Variants in PPM1E observed in about 807,000 individuals in gnomAD.
The protein encoded by PPM1E is protein phosphatase 1E.
PPM1E carries 20 observed loss-of-function variants against 65.9 expected under a neutral mutation model. The observed-to-expected ratio is 0.30, with a 90% CI of 0.21 to 0.44. The LOEUF (loss-of-function observed/expected upper bound fraction) is 0.44, where lower values mean the gene tolerates loss of function less well. Among genes scored for constraint, PPM1E ranks in the 20% least tolerant of loss-of-function variants. The probability of loss-of-function intolerance (pLI) is 1.00; values close to 1 mark genes in which losing one functional copy is unlikely to be tolerated. For missense variants in PPM1E, 713 were observed against 953.1 expected, an observed-to-expected ratio of 0.75 and a Z score of 3.32; for synonymous variants, 352 against 374.9, an observed-to-expected ratio of 0.94 and a Z score of 0.70.
rs569508441 is a variant in PPM1E at position 58,932,932 on chromosome 17, T to C, written c.465-22717T>C. Among the ~76,000 whole-genome samples, 249 of 152,332 alleles carry C rather than the reference T, an allele frequency of 1.6e-3. 4 individuals carry two copies. The South Asian group carries it at 0.018, about 11-fold the overall frequency. ...GCTCTATATAGATGTACCGTTTTTA[T>C]GTTATACCATATTTTTACTGTACTT... On this transcript the variant is annotated intron_variant, in intron 1 of 6. Transcript: ENST00000308249.
At chr17:58,768,160 C>T (rs772570989) in intron 1 of PPM1E, among the ~76,000 whole-genome samples, 49 of 152,082 alleles carry the variant, frequency 3.2e-4, no homozygotes, top group Non-Finnish European at 6.6e-4. Context: ...CCATGTTGGC[C>T]AGGCTGGTCT....
Position 58,894,094 on chromosome 17 carries a change from C to A in PPM1E, c.465-61555C>A, listed in dbSNP as rs9914961. 9.3e-4 allele frequency among the ~76,000 whole-genome samples: 141 copies of A among 151,884 alleles called. 1 individual carries two copies. The highest frequency in any genetic ancestry group is 3.3e-3 in the African/African-American group (138 of 41,402). On this transcript the variant is annotated intron_variant, in intron 1 of 6. Transcript: ENST00000308249. ...TCTCAAAAAAAACAAACCAGAAAAA[C>A]CACCAAAAAACAAAAATAAAGTCTA...
At chr17:58,821,966 G>C (rs1345453168) in intron 1 of PPM1E, among the ~76,000 whole-genome samples, 1 of 152,124 alleles carries the variant, frequency 6.6e-6, no homozygotes, top group Non-Finnish European at 1.5e-5. Context: ...GATATATCAA[G>C]GTAATGAGAT....
intron 1 of PPM1E, among the ~76,000 whole-genome samples, chr17:58,816,714 G>A (rs2050418047): frequency 7.6e-6 from 1 of 132,110 alleles, no homozygotes; most frequent in Non-Finnish European, 1.6e-5. Flanking sequence ...CAAGGTTCAT[G>A]CATGTTGTAG....
intron 1 of PPM1E, among the ~76,000 whole-genome samples, chr17:58,872,650 G>A (rs754501886): frequency 6.6e-6 from 1 of 152,168 alleles, no homozygotes; most frequent in East Asian, 1.9e-4. Context: ...CTGTCTTCAT[G>A]TATAGTCTGG....
At chr17:58,971,439 T>C (rs943189301) in intron 4 of PPM1E, among the ~76,000 whole-genome samples, 7 of 152,194 alleles carry the variant, frequency 4.6e-5, no homozygotes, top group African/African-American at 1.7e-4. Flanking sequence ...GTCATTTTCG[T>C]ATAGTAGGAC....
At chr17:58,909,262 G>T (rs904825386) in intron 1 of PPM1E, among the ~76,000 whole-genome samples, 5 of 151,746 alleles carry the variant, frequency 3.3e-5, no homozygotes, top group African/African-American at 9.7e-5. Context: ...TCACCACCCC[G>T]CCAACCCCAC....
intron 1 of PPM1E, among the ~76,000 whole-genome samples, chr17:58,839,325 A>G (rs1305303565): frequency 1.7e-4 from 26 of 151,990 alleles, no homozygotes; most frequent in Non-Finnish European, 1.6e-4. Context: ...TTGTCTCTAA[A>G]AAAAAAAATT....
At chr17:58,898,486 G>T (rs527839442) in intron 1 of PPM1E, among the ~76,000 whole-genome samples, 1 of 151,998 alleles carries the variant, frequency 6.6e-6, no homozygotes, top group African/African-American at 2.4e-5. Flanking sequence ...TTAGAATGGC[G>T]ATCATTAAAA....
chr17:58,829,157 C>T (rs556211187), intron 1 of PPM1E, among the ~76,000 whole-genome samples: 213 of 152,148 alleles, frequency 1.4e-3, no homozygotes, highest in Non-Finnish European at 2.3e-3. Flanking sequence ...ATTCTCCTGC[C>T]TCAGTCTCCT....
At chr17:58,817,185 C>T (rs572682573) in intron 1 of PPM1E, among the ~76,000 whole-genome samples, 1 of 152,278 alleles carries the variant, frequency 6.6e-6, no homozygotes, top group East Asian at 1.9e-4. Context: ...GACACTTGGA[C>T]ATTTTCACCT....
chr17:58,811,259 G>C (rs978670735), intron 1 of PPM1E, among the ~76,000 whole-genome samples: 6 of 152,168 alleles, frequency 3.9e-5, no homozygotes, highest in African/African-American at 1.4e-4. Flanking sequence ...ATGTTGAAAG[G>C]TATTCAGGGT....
At chr17:58,963,369 A>G (rs893300338) in intron 2 of PPM1E, among the ~76,000 whole-genome samples, 2 of 132,942 alleles carry the variant, frequency 1.5e-5, no homozygotes, top group Non-Finnish European at 3.2e-5. Flanking sequence ...CCTGGGCGAC[A>G]AGAGTGAAAC....
intron 1 of PPM1E, among the ~76,000 whole-genome samples, chr17:58,889,818 T>TA (rs142985376): frequency 1.3e-5 from 2 of 152,336 alleles, no homozygotes; most frequent in Non-Finnish European, 2.9e-5. Flanking sequence ...TACCTCATAA[T>TA]ACCAAGCTTA....
chr17:58,790,622 T>A (rs1441578722), intron 1 of PPM1E, among the ~76,000 whole-genome samples: 6 of 152,198 alleles, frequency 3.9e-5, no homozygotes, highest in African/African-American at 1.4e-4. Flanking sequence ...AATATTTTTC[T>A]TGAGATAATC....
intron 1 of PPM1E, among the ~76,000 whole-genome samples, chr17:58,928,865 G>A (rs1240478476): frequency 6.6e-6 from 1 of 151,888 alleles, no homozygotes; most frequent in East Asian, 1.9e-4. Flanking sequence ...ACCACGCCCG[G>A]CTAATATTTT....
rs953417596 is a variant in PPM1E at position 58,781,890 on chromosome 17, G to GA, written c.464+25439dup. On this transcript the variant is annotated intron_variant, in intron 1 of 6. Transcript: ENST00000308249. ...AACAGAGCAAGACTCCGTCTCAAAA[G>GA]AAAAAAAAAATAAAATAAAATGCAG... Among the ~76,000 whole-genome samples the GA allele has an allele frequency of 6.2e-5, 9 of 145,992 alleles. 1 individual carries two copies. The highest frequency in any genetic ancestry group is 4.0e-4 in the East Asian group (2 of 5,056).
intron 1 of PPM1E, among the ~76,000 whole-genome samples, chr17:58,933,924 A>C (rs1176686878): frequency 1.3e-5 from 2 of 151,994 alleles, no homozygotes; most frequent in Non-Finnish European, 2.9e-5. Context: ...CTGAAACTCC[A>C]TCTCTAGTAA....
At chr17:58,901,907 C>T (rs962989594) in intron 1 of PPM1E, among the ~76,000 whole-genome samples, 4 of 151,906 alleles carry the variant, frequency 2.6e-5, no homozygotes, top group Non-Finnish European at 2.9e-5. Flanking sequence ...ACCCATGATG[C>T]GGAGGTTGCA....
Sources: allele counts gnomAD v4.1 joint callset (sites outside exome capture counted in the v4.1 genomes callset), GRCh38; gene constraint gnomAD v4.1.1; transcripts MANE v1.5; gene names NCBI Gene and HGNC (gene_info 2026-07-23, HGNC 2026-07-21).